MYT1L: variants seen among roughly 807,000 people sequenced by gnomAD.
The protein encoded by MYT1L is myelin transcription factor 1-like protein.
Under a neutral mutation model 126.7 loss-of-function variants are expected in MYT1L, and 12 were observed. The observed-to-expected ratio is 0.09, with a 90% CI of 0.06 to 0.15. The LOEUF (loss-of-function observed/expected upper bound fraction) is 0.15, where lower values mean the gene tolerates loss of function less well. MYT1L is among the 10% of genes least tolerant of loss of function. The probability of loss-of-function intolerance (pLI) is 1.00; values close to 1 mark genes in which losing one functional copy is unlikely to be tolerated. For missense variants in MYT1L, 979 were observed against 1,585.2 expected, an observed-to-expected ratio of 0.62 and a Z score of 6.49; for synonymous variants, 541 against 604.2, an observed-to-expected ratio of 0.90 and a Z score of 1.53.
At chr2:2,220,435 TA>T (rs979802266) in intron 2 of MYT1L, among the ~76,000 whole-genome samples, 8 of 152,170 alleles carry the variant, frequency 5.3e-5, no homozygotes, top group Non-Finnish European at 8.8e-5. Context: ...CAGGTTAAGA[TA>T]AAAGATTGTG....
intron 9 of MYT1L, among the ~76,000 whole-genome samples, chr2:1,933,578 A>G (rs1383122644): frequency 6.6e-6 from 1 of 152,250 alleles, no homozygotes; most frequent in Non-Finnish European, 1.5e-5. Context: ...GATTTGCCTC[A>G]TCCAAAGACT....
At position 2,295,585 on chromosome 2, in the gene MYT1L, C is replaced by CAGACAGACAGAGAGAGAGAGAGAGAG. The variant is rs2095664059; in HGVS notation, c.-520-11083_-520-11082insCTCTCTCTCTCTCTCTCTGTCTGTCT. Among the ~76,000 whole-genome samples the CAGACAGACAGAGAGAGAGAGAGAGAG allele has an allele frequency of 1.6e-4, 8 of 50,478 alleles. 1 individual carries two copies. In the South Asian group the frequency reaches 3.6e-3, roughly 23 times the overall value. The allele number at this position is 50,478 out of a possible 152,430, so 33.1% of individuals were successfully genotyped here. On this transcript the variant is annotated intron_variant, in intron 1 of 24. Transcript: ENST00000647738. Reference sequence around the variant, plus strand: ...ACAGACAGAGAGAGAGAGAGAGAGACAGACAGACAGAGAGAGAGACAGACA... The same window carrying CAGACAGACAGAGAGAGAGAGAGAGAG: ...ACAGACAGAGAGAGAGAGAGAGAGACAGACAGACAGAGAGAGAGAGAGAGAGAGACAGACAGAGAGAGAGACAGACA...
At chr2:2,149,537 T>G (rs1260857875) in intron 3 of MYT1L, among the ~76,000 whole-genome samples, 1 of 152,144 alleles carries the variant, frequency 6.6e-6, no homozygotes. Context: ...CAGAGCTGGG[T>G]TTACCAAGTT....
intron 4 of MYT1L, among the ~76,000 whole-genome samples, chr2:2,001,739 GAAC>G (rs761473623): frequency 3.3e-5 from 5 of 152,164 alleles, no homozygotes; most frequent in Non-Finnish European, 7.3e-5. Flanking sequence ...GTAAAATAGG[GAAC>G]AACGTCAGGA....
chr2:1,971,763 A>G (rs1411993790), intron 8 of MYT1L, among the ~76,000 whole-genome samples: 1 of 152,078 alleles, frequency 6.6e-6, no homozygotes, highest in Admixed American at 6.6e-5. Context: ...AAAAAACAAA[A>G]GAGGAGGCCT....
chr2:2,260,445 C>G (rs914119568), intron 2 of MYT1L, among the ~76,000 whole-genome samples: 1 of 152,160 alleles, frequency 6.6e-6, no homozygotes. Flanking sequence ...TAGTGATAAA[C>G]CAGAAACTGA....
Position 2,170,978 on chromosome 2 carries a change from T to C in MYT1L, c.-304+1894A>G, listed in dbSNP as rs180687779. Among the ~76,000 whole-genome samples, 26 of 152,280 alleles carry C rather than the reference T, an allele frequency of 1.7e-4. No individual in the cohort carries two copies. In the East Asian group the frequency reaches 4.8e-3, roughly 28 times the overall value. On this transcript the variant is annotated intron_variant, in intron 3 of 24. Transcript: ENST00000647738. ...GCACTGGTTGTGCGTCTTGCTCTTA[T>C]TATTATCTAATTGGATCTGGAGGCC...
chr2:2,026,370 A>G (rs1158845039), intron 4 of MYT1L, among the ~76,000 whole-genome samples: 1 of 152,132 alleles, frequency 6.6e-6, no homozygotes, highest in East Asian at 1.9e-4. Flanking sequence ...GGCCGTGCCC[A>G]GGAGGGAGAC....
chr2:2,313,738 T>C (rs1334552507), intron 1 of MYT1L, among the ~76,000 whole-genome samples: 4 of 152,204 alleles, frequency 2.6e-5, no homozygotes, highest in Non-Finnish European at 5.9e-5. Context: ...CTCTTACTTT[T>C]AGAGACACTA....
intron 18 of MYT1L, among the ~76,000 whole-genome samples, chr2:1,866,953 CAGAA>C (rs1022520014): frequency 9.5e-6 from 1 of 105,444 alleles, no homozygotes; most frequent in Non-Finnish European, 1.8e-5. Flanking sequence ...GAGAGAGAAA[CAGAA>C]AGAGAGAGAG....
chr2:1,978,255 C>T (rs1574167631), intron 8 of MYT1L, among the ~76,000 whole-genome samples: 1 of 152,324 alleles, frequency 6.6e-6, no homozygotes, highest in African/African-American at 2.4e-5. Context: ...GATGCACCCG[C>T]TTTAGAATCA....
rs1267855241 is a variant in MYT1L, at chr2:1,910,905, A to C, written c.1710-558T>G. ...AGGACTGCAATAAAATGTTTTGTGG[A>C]GCCAAATAGTTCAGGCTTAGTCTAG... is the stretch of plus-strand genomic sequence containing the variant. On this transcript the variant is annotated intron_variant, in intron 12 of 24. Transcript: ENST00000647738. The surrounding 1 kb of genome is among the most constrained non-coding windows in gnomAD (Gnocchi z 4.8). Among the ~76,000 whole-genome samples, 3 of 152,174 alleles carry C rather than the reference A, an allele frequency of 2.0e-5. No homozygotes were observed. The highest frequency in any genetic ancestry group is 2.9e-5 in the Non-Finnish European group (2 of 68,024).
At chr2:2,186,590 G>T (rs1252653430) in intron 2 of MYT1L, among the ~76,000 whole-genome samples, 1 of 152,114 alleles carries the variant, frequency 6.6e-6, no homozygotes, top group Non-Finnish European at 1.5e-5. Flanking sequence ...GTCTCCCCAA[G>T]AAGTCACGTT....
In MYT1L at chr2:2,188,125, C is replaced by G. The variant is rs182437001; in HGVS notation, c.-420-15137G>C. Reference sequence around the variant, plus strand: ...ATGGTTCATTTACTACTAAAAATTACACACACAAATGCATGCACACACACA... The same window carrying G: ...ATGGTTCATTTACTACTAAAAATTAGACACACAAATGCATGCACACACACA... On this transcript the variant is annotated intron_variant, in intron 2 of 24. Coordinates refer to ENST00000647738, the MANE Select transcript of MYT1L (RefSeq NM_001303052.2). Among the ~76,000 whole-genome samples the G allele has an allele frequency of 2.0e-5, 3 of 152,206 alleles. No individual in the cohort carries two copies. The East Asian group carries it at 5.8e-4, about 29-fold the overall frequency.
chr2:2,042,959 CACTG>C (rs2067720153), intron 4 of MYT1L, among the ~76,000 whole-genome samples: 1 of 152,180 alleles, frequency 6.6e-6, no homozygotes, highest in Admixed American at 6.5e-5. Context: ...GTGCCAGCAG[CACTG>C]CACCGGGGGT....
At chr2:2,088,090 A>C (rs193226347) in intron 3 of MYT1L, among the ~76,000 whole-genome samples, 1 of 152,324 alleles carries the variant, frequency 6.6e-6, no homozygotes, top group African/African-American at 2.4e-5. Flanking sequence ...TGCCCAGCAC[A>C]TGGTGAGCGG....
intron 9 of MYT1L, among the ~76,000 whole-genome samples, chr2:1,924,345 T>C (rs942866551): frequency 1.3e-5 from 2 of 152,226 alleles, no homozygotes; most frequent in Non-Finnish European, 2.9e-5. Context: ...GGTTCCTAAA[T>C]GTATCTGTAC....
At chr2:2,202,026 G>A (rs2093099037) in intron 2 of MYT1L, among the ~76,000 whole-genome samples, 2 of 152,058 alleles carry the variant, frequency 1.3e-5, no homozygotes, top group Admixed American at 1.3e-4. Flanking sequence ...TGACTACTGG[G>A]TACATAACGA....
rs891919716 is a variant in MYT1L at position 1,933,980 on chromosome 2, T to A, written c.505+9002A>T. 3.0e-4 allele frequency among the ~76,000 whole-genome samples: 43 copies of A among 145,570 alleles called. 1 individual carries two copies. Among genetic ancestry groups the A allele is most frequent in the African/African-American group, 1.0e-3 (41 of 39,400 alleles). Reference sequence around the variant, plus strand: ...GGGCTCTAATTTTGATTTTTTTTTTTTTTTTTTTTTTTGAGATGGAGTCTT... The same window carrying A: ...GGGCTCTAATTTTGATTTTTTTTTTATTTTTTTTTTTTGAGATGGAGTCTT... On this transcript the variant is annotated intron_variant, in intron 9 of 24. Coordinates refer to ENST00000647738, the MANE Select transcript of MYT1L (RefSeq NM_001303052.2).
Sources: allele counts gnomAD v4.1 joint callset (sites outside exome capture counted in the v4.1 genomes callset), GRCh38; gene constraint gnomAD v4.1.1; non-coding constraint Gnocchi (gnomAD v3.1); transcripts MANE v1.5; gene names NCBI Gene and HGNC (gene_info 2026-07-23, HGNC 2026-07-21).